PRKN: variants seen among roughly 807,000 people sequenced by gnomAD.
PRKN encodes the protein parkin RBR E3 ubiquitin protein ligase.
PRKN carries 56 observed loss-of-function variants against 59.5 expected under a neutral mutation model. The ratio of observed to expected loss-of-function variants is 0.94; its 90% CI spans 0.76 to 1.18. The LOEUF (loss-of-function observed/expected upper bound fraction) is 1.18. Ranked by LOEUF, PRKN falls within the 50% of genes most tolerant of loss-of-function variation. PRKN has a pLI of 0.00. For synonymous variants in PRKN, 250 were observed against 222.1 expected (o/e 1.13, Z -1.12); for missense variants, 657 against 596.4 (o/e 1.10, Z -1.06).
intron 1 of PRKN, among the ~76,000 whole-genome samples, chr6:162,679,074 CTTTATTTA>C (rs71008105): frequency 1.9e-4 from 26 of 138,182 alleles, no homozygotes; most frequent in Middle Eastern, 3.7e-3. Flanking sequence ...TGTGCCTGGC[CTTTATTTA>C]TTTATTTATT....
intron 6 of PRKN, among the ~76,000 whole-genome samples, chr6:161,898,970 G>A (rs777082458): frequency 1.6e-4 from 24 of 152,316 alleles, no homozygotes; most frequent in Admixed American, 6.5e-4. Context: ...GCAAATCATC[G>A]GTTGAAGTCA....
In PRKN at chr6:161,451,708, T is replaced by A. The variant is rs1026666133; in HGVS notation, c.1084-64831A>T. The stretch of plus-strand genomic sequence containing the variant: ...TATTAGAAAGGCCATCCAGGATGCG[T>A]CATTTGCAAGCTTGGGTGGACAGGC... On this transcript the variant is annotated intron_variant, in intron 9 of 11. Coordinates refer to ENST00000366898, the MANE Select transcript of PRKN (RefSeq NM_004562.3). This position sits in a 1 kb window ranked among gnomAD's most constrained non-coding sequence, Gnocchi z 5.9. 4.3e-4 allele frequency among the ~76,000 whole-genome samples: 66 copies of A among 152,238 alleles called. No homozygotes were observed. Among genetic ancestry groups the A allele is most frequent in the African/African-American group, 1.5e-3 (62 of 41,548 alleles).
At chr6:162,241,573 T>C (rs1778991627) in intron 3 of PRKN, among the ~76,000 whole-genome samples, 1 of 152,120 alleles carries the variant, frequency 6.6e-6, no homozygotes, top group Admixed American at 6.6e-5. Flanking sequence ...AGGCATGATT[T>C]GGTGGGAAAA....
chr6:162,058,503 C>T (rs1562488394), intron 4 of PRKN, among the ~76,000 whole-genome samples: 2 of 152,178 alleles, frequency 1.3e-5, no homozygotes, highest in African/African-American at 4.8e-5. Flanking sequence ...GTGCTTGAGG[C>T]ACCGAAAAGT....
intron 1 of PRKN, among the ~76,000 whole-genome samples, chr6:162,598,725 T>C (rs1781582933): frequency 6.6e-6 from 1 of 151,870 alleles, no homozygotes; most frequent in South Asian, 2.1e-4. Context: ...TGGTAGTGCA[T>C]GCCTGTAATC....
At chr6:161,756,612 T>C (rs1562659089) in intron 7 of PRKN, among the ~76,000 whole-genome samples, 1 of 152,106 alleles carries the variant, frequency 6.6e-6, no homozygotes, top group Non-Finnish European at 1.5e-5. Context: ...CCTCCTCTTT[T>C]TTCTTTCTTG....
chr6:161,576,328 C>T lies in PRKN; in HGVS notation c.872-6912G>A, dbSNP rs1433747469. On this transcript the variant is annotated intron_variant, in intron 7 of 11. Transcript: ENST00000366898. This position sits in a 1 kb window ranked among gnomAD's most constrained non-coding sequence, Gnocchi z 4.6. ...CCAATACTTGCTGTCTCAAGATATC[C>T]TAAGCCAGTTAAGGAGAATCTTGAA... 6.6e-6 allele frequency among the ~76,000 whole-genome samples: 1 copy of T among 152,190 alleles called. No individual in the cohort carries two copies.
At chr6:161,568,443 A>C (rs1008076774) in intron 8 of PRKN, among the ~76,000 whole-genome samples, 1 of 152,194 alleles carries the variant, frequency 6.6e-6, no homozygotes, top group African/African-American at 2.4e-5. Flanking sequence ...AATATAAAAA[A>C]TTAGCTGGGT....
chr6:161,365,975 T>C (rs1040225577), intron 10 of PRKN, among the ~76,000 whole-genome samples: 2 of 152,210 alleles, frequency 1.3e-5, no homozygotes, highest in Non-Finnish European at 2.9e-5. Context: ...CAAGGATATG[T>C]ACCCTTATCA....
intron 4 of PRKN, among the ~76,000 whole-genome samples, chr6:162,146,479 ACGTATG>A (rs1334135309): frequency 6.6e-6 from 1 of 150,674 alleles, no homozygotes; most frequent in Non-Finnish European, 1.5e-5. Context: ...ATATATATAT[ACGTATG>A]TATATATACA....
rs567146065 is a variant in PRKN at position 161,872,548 on chromosome 6, C to T, written c.735-86640G>A. Among the ~76,000 whole-genome samples the T allele has an allele frequency of 2.4e-4, 37 of 152,222 alleles. No individual in the cohort carries two copies. In the East Asian group the frequency reaches 7.0e-3, roughly 29 times the overall value. ...CAACTCCATGTGGGCCCTGATCAACCCTGGCGCTTTGCCTCCTGTTCTGGG... is the reference window on the plus strand; with the variant it reads ...CAACTCCATGTGGGCCCTGATCAACTCTGGCGCTTTGCCTCCTGTTCTGGG... On this transcript the variant is annotated intron_variant, in intron 6 of 11. Coordinates refer to ENST00000366898, the MANE Select transcript of PRKN (RefSeq NM_004562.3).
At chr6:161,403,224 T>C (rs1787124348) in intron 9 of PRKN, among the ~76,000 whole-genome samples, 1 of 152,192 alleles carries the variant, frequency 6.6e-6, no homozygotes, top group Admixed American at 6.5e-5. Context: ...GGTAGAATAC[T>C]GCCCCTTTTT....
chr6:162,188,739 C>T (rs1784135429), intron 4 of PRKN, among the ~76,000 whole-genome samples: 1 of 148,974 alleles, frequency 6.7e-6, no homozygotes, highest in South Asian at 2.1e-4. Context: ...CTGCTTTAAA[C>T]ATTTGAAGAG....
At chr6:162,476,867 G>C (rs925703603) in intron 1 of PRKN, among the ~76,000 whole-genome samples, 7 of 152,178 alleles carry the variant, frequency 4.6e-5, no homozygotes, top group African/African-American at 1.7e-4. Flanking sequence ...GGAAGGGAGA[G>C]AGAGTCTTTA....
At chr6:162,693,193 C>G (rs1777842980) in intron 1 of PRKN, among the ~76,000 whole-genome samples, 1 of 152,186 alleles carries the variant, frequency 6.6e-6, no homozygotes, top group African/African-American at 2.4e-5. Flanking sequence ...AGGTGCCTCA[C>G]AAATTCAACT....
At chr6:162,693,846 T>A (rs1777870220) in intron 1 of PRKN, among the ~76,000 whole-genome samples, 1 of 152,220 alleles carries the variant, frequency 6.6e-6, no homozygotes, top group Non-Finnish European at 1.5e-5. Flanking sequence ...AACCTGCACA[T>A]GCATATTTAA....
chr6:162,477,800 A>G (rs1273561049), intron 1 of PRKN, among the ~76,000 whole-genome samples: 2 of 152,172 alleles, frequency 1.3e-5, no homozygotes, highest in Non-Finnish European at 2.9e-5. Flanking sequence ...TTTCCCCTAC[A>G]GCATCTCTAA....
rs999256057 is a variant in PRKN, at chr6:162,006,901, C to T, written c.619-33484G>A. On this transcript the variant is annotated intron_variant, in intron 5 of 11. Coordinates refer to ENST00000366898, the MANE Select transcript of PRKN (RefSeq NM_004562.3). ...TATAAGCTCCATAAGTCCAGTGGCCCCCTCCTTTTTACAACTGTACTCTAG... is the reference window on the plus strand; with the variant it reads ...TATAAGCTCCATAAGTCCAGTGGCCTCCTCCTTTTTACAACTGTACTCTAG... 6.6e-5 allele frequency among the ~76,000 whole-genome samples: 10 copies of T among 151,232 alleles called. No individual in the cohort carries two copies. In the Admixed American group the frequency reaches 6.6e-4, roughly 10 times the overall value.
At chr6:162,606,846 A>G (rs918343394) in intron 1 of PRKN, among the ~76,000 whole-genome samples, 12 of 152,138 alleles carry the variant, frequency 7.9e-5, no homozygotes, top group Non-Finnish European at 1.2e-4. Flanking sequence ...CCTCCCAAGT[A>G]GCTGGGATTG....
Sources: gnomAD v4.1 joint callset for allele counts (sites outside exome capture counted in the v4.1 genomes callset) on GRCh38, gnomAD v4.1.1 for gene constraint, Gnocchi (gnomAD v3.1) non-coding constraint, MANE v1.5 for transcripts, NCBI Gene and HGNC (gene_info 2026-07-23, HGNC 2026-07-21) for gene names.